ABCB11: variants seen among roughly 807,000 people sequenced by gnomAD.
The protein encoded by ABCB11 is bile salt export pump.
In ABCB11, 95 loss-of-function variants were observed where a neutral mutation model predicts 148.0. The ratio of observed to expected loss-of-function variants is 0.64; its 90% CI spans 0.54 to 0.76. ABCB11 has a LOEUF of 0.76. Ranked by LOEUF, ABCB11 falls within the 30% of genes least tolerant of loss-of-function variation. The probability of loss-of-function intolerance (pLI) is 0.00; values close to 1 mark genes in which losing one functional copy is unlikely to be tolerated. For synonymous variants in ABCB11, 591 were observed against 555.4 expected, an observed-to-expected ratio of 1.06 and a Z score of -0.90; for missense variants, 1,523 against 1,617.8, an observed-to-expected ratio of 0.94 and a Z score of 1.01.
intron 19 of ABCB11, among the ~76,000 whole-genome samples, chr2:168,953,310 C>A (rs1692648867): frequency 6.6e-6 from 1 of 151,478 alleles, no homozygotes. Context: ...TGTTAAATTC[C>A]CCCACTATTA....
chr2:168,980,362 A>C (rs565619637), intron 10 of ABCB11, among the ~76,000 whole-genome samples: 22 of 152,244 alleles, frequency 1.4e-4, no homozygotes, highest in African/African-American at 5.1e-4. Flanking sequence ...AAGGGTTGCC[A>C]AAAACAATAC....
chr2:168,972,301 G>T (rs941403863), intron 13 of ABCB11, among the ~76,000 whole-genome samples: 9 of 149,102 alleles, frequency 6.0e-5, no homozygotes, highest in African/African-American at 2.2e-4. Flanking sequence ...AACACCATTG[G>T]CCCAGGAATG....
chr2:168,999,761 T>C (rs1355985563), intron 5 of ABCB11, among the ~76,000 whole-genome samples: 2 of 152,176 alleles, frequency 1.3e-5, no homozygotes, highest in Non-Finnish European at 2.9e-5. Context: ...TTTTATCTAT[T>C]ACAAATTAAG....
chr2:168,957,895 G>C (rs1295316846), intron 19 of ABCB11, 69 bp downstream of exon 19: 5 of 1,315,136 alleles, frequency 3.8e-6, no homozygotes, highest in Middle Eastern at 2.0e-4. Flanking sequence ...TGAAAACAAA[G>C]AGCGGACTTA....
chr2:168,916,207 G>A (rs1188989408), downstream of ABCB11, among the ~76,000 whole-genome samples: 1 of 152,140 alleles, frequency 6.6e-6, no homozygotes, highest in Non-Finnish European at 1.5e-5. Context: ...AATAATCATA[G>A]GCACTTGTTC....
At chr2:168,950,297 C>G (rs1197098898) in intron 19 of ABCB11, among the ~76,000 whole-genome samples, 1 of 151,406 alleles carries the variant, frequency 6.6e-6, no homozygotes, top group Non-Finnish European at 1.5e-5. Flanking sequence ...CCTAATACAG[C>G]CCAGTAGTGG....
intron 25 of ABCB11, among the ~76,000 whole-genome samples, chr2:168,928,132 T>A (rs1459503579): frequency 6.6e-6 from 1 of 152,198 alleles, no homozygotes; most frequent in Non-Finnish European, 1.5e-5. Flanking sequence ...ACAGATTATA[T>A]TTAAGATAAT....
intron 17 of ABCB11, among the ~76,000 whole-genome samples, chr2:168,967,431 T>A (rs1260408606): frequency 6.6e-6 from 1 of 151,920 alleles, no homozygotes; most frequent in Non-Finnish European, 1.5e-5. Context: ...TTTATCTACA[T>A]CTGAAAATAA....
rs1014304470 is a variant in ABCB11 at position 168,944,650 on chromosome 2, T to C, written c.2565A>G (p.Gly855=). 11 of 1,612,414 alleles carry C rather than the reference T, an allele frequency of 6.8e-6. No homozygotes were observed. The highest frequency in any genetic ancestry group is 1.7e-6 in the Non-Finnish European group (2 of 1,179,110). ...CTGTAGCAAGTCTTGTTGTCAATGCTCCAGGGCTATTTCTGAGGTCATCAA... is the reference window on the plus strand; with the variant it reads ...CTGTAGCAAGTCTTGTTGTCAATGCCCCAGGGCTATTTCTGAGGTCATCAA... ...AWFDDLRNSP[G]ALTTRLATDA... is the part of the protein sequence containing the mutation. Residue 855 remains glycine, a synonymous_variant, in exon 21 of 28, where the codon GGA becomes GGG. Transcript: ENST00000650372.
intron 19 of ABCB11, among the ~76,000 whole-genome samples, chr2:168,949,305 A>G (rs978234622): frequency 1.3e-5 from 2 of 151,698 alleles, no homozygotes; most frequent in African/African-American, 4.8e-5. Flanking sequence ...TCACCTGAAT[A>G]GTGAACATTG....
chr2:168,945,580 A>C (rs973783191), intron 19 of ABCB11, among the ~76,000 whole-genome samples: 1 of 150,356 alleles, frequency 6.7e-6, no homozygotes, highest in Non-Finnish European at 1.5e-5. Context: ...GGACAGAAGA[A>C]GGAAGAGAGG....
chr2:168,948,762 G>C (rs1481926016), intron 19 of ABCB11, among the ~76,000 whole-genome samples: 1 of 151,708 alleles, frequency 6.6e-6, no homozygotes, highest in Non-Finnish European at 1.5e-5. Flanking sequence ...TCAAAGTTGA[G>C]TGTTTCCGAT....
chr2:168,923,944 T>C (rs1179931232), intron 27 of ABCB11, 122 bp from the exon 28 acceptor site: 15 of 859,386 alleles, frequency 1.7e-5, no homozygotes, highest in Non-Finnish European at 2.8e-5. Context: ...ACCCAAAGGC[T>C]CAACATAAGA....
intron 1 of ABCB11, among the ~76,000 whole-genome samples, chr2:169,029,175 A>C (rs989398058): frequency 2.0e-5 from 3 of 152,006 alleles, no homozygotes; most frequent in Non-Finnish European, 4.4e-5. Context: ...CCCCAGCGCC[A>C]CAAACTCCCC....
At chr2:168,977,901 G>A (rs1693980549) in intron 11 of ABCB11, among the ~76,000 whole-genome samples, 1 of 152,050 alleles carries the variant, frequency 6.6e-6, no homozygotes, top group Non-Finnish European at 1.5e-5. Flanking sequence ...CTCGACACAT[G>A]GGGATTACAG....
chr2:168,983,652 A>G (rs1180515945), intron 10 of ABCB11, among the ~76,000 whole-genome samples: 1 of 152,136 alleles, frequency 6.6e-6, no homozygotes, highest in East Asian at 1.9e-4. Context: ...GTTTGGAATG[A>G]TTATGGTTTG....
intron 17 of ABCB11, 35 bp downstream of exon 17, chr2:168,968,392 G>A: frequency 6.3e-7 from 1 of 1,595,422 alleles, no homozygotes; most frequent in Non-Finnish European, 8.6e-7. Flanking sequence ...AGAATATTTG[G>A]AAAGCTTGTA....
chr2:168,920,648 A>G (rs1047504179), downstream of ABCB11, among the ~76,000 whole-genome samples: 3 of 152,160 alleles, frequency 2.0e-5, no homozygotes, highest in Non-Finnish European at 4.4e-5. Context: ...AGGACTTGCA[A>G]TAAGTTTAAA....
At chr2:168,927,491 A>T (rs1221677308) in intron 25 of ABCB11, 129 bp from the exon 26 acceptor site, 1 of 724,276 alleles carries the variant, frequency 1.4e-6, no homozygotes. Context: ...CCAAGGCTAA[A>T]ATTATGGAAT....
Sources: allele counts gnomAD v4.1 joint callset (sites outside exome capture counted in the v4.1 genomes callset), GRCh38; gene constraint gnomAD v4.1.1; transcripts MANE v1.5; gene names NCBI Gene and HGNC (gene_info 2026-07-23, HGNC 2026-07-21).